Variants in MCC observed in about 807,000 individuals in gnomAD.
MCC encodes colorectal mutant cancer protein.
Under a neutral mutation model 116.2 loss-of-function variants are expected in MCC, and 90 were observed. The observed-to-expected ratio is 0.77, with a 90% CI of 0.65 to 0.92. The LOEUF is 0.92. Ranked by LOEUF, MCC falls within the 40% of genes least tolerant of loss-of-function variation. The pLI is 0.00. For synonymous variants in MCC, 578 were observed against 510.5 expected (o/e 1.13, Z -1.78); for missense variants, 1,516 against 1,312.2 (o/e 1.16, Z -2.40).
At chr5:113,249,139 G>GCTCTCTCTCTCT (rs57174154) in intron 3 of MCC, among the ~76,000 whole-genome samples, 2 of 149,274 alleles carry the variant, frequency 1.3e-5, no homozygotes, top group African/African-American at 2.5e-5. Flanking sequence ...ACCGCACCCA[G>GCTCTCTCTCTCT]CTCTCTCTCT....
intron 3 of MCC, among the ~76,000 whole-genome samples, chr5:113,270,405 C>A (rs1211724766): frequency 6.7e-6 from 1 of 149,748 alleles, no homozygotes; most frequent in Admixed American, 6.6e-5. Flanking sequence ...TGATAGAATT[C>A]CAAAGTTTAC....
intron 11 of MCC, among the ~76,000 whole-genome samples, chr5:113,075,597 C>G (rs1348103832): frequency 6.6e-6 from 1 of 152,174 alleles, no homozygotes; most frequent in Admixed American, 6.5e-5. Flanking sequence ...TGTAAATGCA[C>G]CAGTCAGCAC....
intron 2 of MCC, among the ~76,000 whole-genome samples, chr5:113,361,247 T>TCAAACC (rs1768540069): frequency 7.9e-6 from 1 of 126,146 alleles, no homozygotes; most frequent in Non-Finnish European, 1.7e-5. Flanking sequence ...GTTATCAATT[T>TCAAACC]CATAAATCTT....
intron 1 of MCC, among the ~76,000 whole-genome samples, chr5:113,446,800 G>C (rs184029218): frequency 3.3e-5 from 5 of 152,268 alleles, no homozygotes; most frequent in Non-Finnish European, 7.4e-5. Context: ...GGGGACTACT[G>C]GCAGGGAGGG....
chr5:113,176,227 C>G (rs905378397), intron 3 of MCC, among the ~76,000 whole-genome samples: 36 of 152,040 alleles, frequency 2.4e-4, no homozygotes, highest in Admixed American at 1.6e-3. Context: ...GACATAAGAA[C>G]AAGGGGGATC....
intron 4 of MCC, among the ~76,000 whole-genome samples, chr5:113,144,524 G>C (rs537925319): frequency 6.6e-6 from 1 of 152,282 alleles, no homozygotes; most frequent in East Asian, 1.9e-4. Flanking sequence ...TACCTCCCCT[G>C]TCCCTCCCTA....
At chr5:113,276,725 C>G (rs1765837888) in intron 3 of MCC, among the ~76,000 whole-genome samples, 1 of 152,062 alleles carries the variant, frequency 6.6e-6, no homozygotes, top group Non-Finnish European at 1.5e-5. Context: ...TTTCCAGGCT[C>G]AAGTGATCCT....
intron 1 of MCC, among the ~76,000 whole-genome samples, chr5:113,474,133 A>G (rs1053554810): frequency 3.3e-5 from 5 of 152,240 alleles, no homozygotes; most frequent in Non-Finnish European, 7.3e-5. Flanking sequence ...TCTAAAAATT[A>G]TCAAGCATTT....
intron 3 of MCC, among the ~76,000 whole-genome samples, chr5:113,208,961 A>T (rs1371359981): frequency 6.6e-6 from 1 of 152,252 alleles, no homozygotes; most frequent in East Asian, 1.9e-4. Flanking sequence ...GGGTCGTGGT[A>T]TATATTGCTA....
chr5:113,405,027 C>T (rs1156742863), intron 1 of MCC, among the ~76,000 whole-genome samples: 1 of 152,212 alleles, frequency 6.6e-6, no homozygotes, highest in African/African-American at 2.4e-5. Flanking sequence ...CCTTTTTGAA[C>T]ACATTTGAAT....
chr5:113,453,836 T>C (rs765848781), intron 1 of MCC, among the ~76,000 whole-genome samples: 6 of 152,124 alleles, frequency 3.9e-5, no homozygotes, highest in African/African-American at 1.2e-4. Flanking sequence ...AATAGCCAGG[T>C]GTGGTGGCTC....
At chr5:113,141,597 C>T (rs7737030) in intron 5 of MCC, among the ~76,000 whole-genome samples, 151,458 of 152,324 alleles carry the variant, frequency 0.99, 75,303 homozygotes, top group Middle Eastern at 1. Context: ...TTGGTCTACA[C>T]GTCTAAGTGC....
At chr5:113,114,511 A>G (rs1385188562) in intron 6 of MCC, among the ~76,000 whole-genome samples, 2 of 143,740 alleles carry the variant, frequency 1.4e-5, no homozygotes, top group Non-Finnish European at 3.1e-5. Flanking sequence ...CCATGGCCCA[A>G]AGTGAGAACA....
At chr5:113,404,295 C>T (rs551332459) in intron 1 of MCC, among the ~76,000 whole-genome samples, 2 of 152,168 alleles carry the variant, frequency 1.3e-5, no homozygotes, top group African/African-American at 2.4e-5. Flanking sequence ...CCTTATTTCC[C>T]TCATCTATGA....
intron 3 of MCC, among the ~76,000 whole-genome samples, chr5:113,236,387 G>A (rs1444875011): frequency 6.6e-6 from 1 of 152,048 alleles, no homozygotes; most frequent in Non-Finnish European, 1.5e-5. Context: ...AGGCAGTATC[G>A]AGGATAAGAG....
At chr5:113,046,706 A>G (rs2150217912) in intron 16 of MCC, among the ~76,000 whole-genome samples, 2 of 121,656 alleles carry the variant, frequency 1.6e-5, no homozygotes, top group Admixed American at 9.1e-5. Context: ...AAAAAAAAAA[A>G]AAAAAGAGAG....
intron 8 of MCC, among the ~76,000 whole-genome samples, chr5:113,096,377 T>C (rs965367076): frequency 2.0e-5 from 3 of 152,182 alleles, no homozygotes; most frequent in South Asian, 4.1e-4. Flanking sequence ...CTCTGGCTCA[T>C]GGAAAGGCCT....
intron 3 of MCC, among the ~76,000 whole-genome samples, chr5:113,275,094 C>G (rs114432450): frequency 6.6e-6 from 1 of 152,250 alleles, no homozygotes; most frequent in African/African-American, 2.4e-5. Context: ...ACCATCCTAG[C>G]AACCAAAGCC....
chr5:113,223,108 G>A (rs1157329642), intron 3 of MCC, among the ~76,000 whole-genome samples: 3 of 152,130 alleles, frequency 2.0e-5, no homozygotes, highest in Non-Finnish European at 2.9e-5. Flanking sequence ...AAAATGGGAC[G>A]CAAACGAAGC....
Sources: allele counts gnomAD v4.1 joint callset (sites outside exome capture counted in the v4.1 genomes callset), GRCh38; gene constraint gnomAD v4.1.1; transcripts MANE v1.5; gene names NCBI Gene and HGNC (gene_info 2026-07-23, HGNC 2026-07-21).